Variants in MAPKAPK5 observed in about 807,000 individuals in gnomAD.
The protein encoded by MAPKAPK5 is MAP kinase-activated protein kinase 5.
In MAPKAPK5, 30 loss-of-function variants were observed where a neutral mutation model predicts 65.1. The ratio of observed to expected loss-of-function variants is 0.46; its 90% confidence interval spans 0.34 to 0.63. MAPKAPK5 has a LOEUF of 0.63. MAPKAPK5 is among the 20% of genes least tolerant of loss of function. The probability of loss-of-function intolerance (pLI) is 0.01; values close to 1 mark genes in which losing one functional copy is unlikely to be tolerated. For synonymous variants in MAPKAPK5, 179 were observed against 204.6 expected (o/e 0.87, Z 1.07); for missense variants, 433 against 581.4 (o/e 0.74, Z 2.63).
chr12:111,878,715 C>A (rs756879523), intron 7 of MAPKAPK5, among the ~76,000 whole-genome samples: 1 of 152,048 alleles, frequency 6.6e-6, no homozygotes. Flanking sequence ...CACCATGCCC[C>A]GCCTTAATTT....
chr12:111,858,399 A>T (rs1340046520), intron 1 of MAPKAPK5, among the ~76,000 whole-genome samples: 1 of 151,906 alleles, frequency 6.6e-6, no homozygotes, highest in Non-Finnish European at 1.5e-5. Context: ...CATTACACAT[A>T]TGTTGGAACG....
Position 111,899,705 on chromosome 12 carries a change from A to C in MAPKAPK5, c.*6644A>C, listed in dbSNP as rs958895496. On this transcript the variant is annotated 3_prime_UTR_variant, in exon 14 of 14. Coordinates refer to ENST00000550735, the MANE Select transcript of MAPKAPK5 (RefSeq NM_003668.4). ...TCATCTCACATGACTGCCACTATGA[A>C]GGCTACATAGAAGGAGTGTCAGGTT... The C allele has an allele frequency of 9.6e-6, 3 of 311,776 alleles. No homozygotes were observed. The highest frequency in any genetic ancestry group is 8.2e-5 in the South Asian group (3 of 36,792). 19.3% of individuals were successfully genotyped at this position (311,776 alleles called of 1,614,324 possible).
chr12:111,862,561 TGTG>T (rs2069475686), intron 1 of MAPKAPK5, among the ~76,000 whole-genome samples: 1 of 151,864 alleles, frequency 6.6e-6, no homozygotes, highest in Non-Finnish European at 1.5e-5. Flanking sequence ...ATTAGTTGGG[TGTG>T]GTGGTGCGCA....
intron 1 of MAPKAPK5, among the ~76,000 whole-genome samples, chr12:111,859,036 A>G (rs1404956163): frequency 6.8e-6 from 1 of 146,554 alleles, no homozygotes; most frequent in Non-Finnish European, 1.5e-5. Flanking sequence ...TACTTGCTCA[A>G]TCTAGTATCT....
Position 111,893,675 on chromosome 12 carries a change from G to A in MAPKAPK5, c.*614G>A, listed in dbSNP as rs1329944134. ...ATATCTGTTAAAAGGGTACTGGTGT[G>A]TTTCTTAAATCTAACAGGGTTTTCT... is the stretch of plus-strand genomic sequence containing the variant. On this transcript the variant is annotated 3_prime_UTR_variant, in exon 14 of 14. Transcript: ENST00000550735. The A allele has an allele frequency of 6.9e-6, 1 of 144,886 alleles. No individual in the cohort carries two copies. Among genetic ancestry groups the A allele is most frequent in the East Asian group, 2.0e-4 (1 of 4,986 alleles). 9.0% of individuals were successfully genotyped at this position (144,886 alleles called of 1,614,324 possible).
intron 2 of MAPKAPK5, among the ~76,000 whole-genome samples, chr12:111,865,834 CAAAAAAAAA>C (rs1157723498): frequency 1.7e-5 from 1 of 57,420 alleles, no homozygotes; most frequent in African/African-American, 6.3e-5. Flanking sequence ...GATTCTGTCT[CAAAAAAAAA>C]AAAAAAAAAA....
chr12:111,873,432 C>T (rs1300608253), intron 7 of MAPKAPK5, among the ~76,000 whole-genome samples: 6 of 152,128 alleles, frequency 3.9e-5, no homozygotes, highest in African/African-American at 7.2e-5. Flanking sequence ...CAACCTCTGC[C>T]TCCCGGGTTC....
At chr12:111,872,380 C>T (rs1470547632) in intron 7 of MAPKAPK5, among the ~76,000 whole-genome samples, 2 of 152,130 alleles carry the variant, frequency 1.3e-5, no homozygotes. Context: ...TATTTTGGAG[C>T]ACTTTTTGTA....
In MAPKAPK5 at chr12:111,883,504, T is replaced by G. The variant is rs945281961; in HGVS notation, c.661-77T>G. On this transcript the variant is annotated intron_variant, in intron 8 of 13. Transcript: ENST00000550735. The surrounding 1 kb of genome is among the most constrained non-coding windows in gnomAD (Gnocchi z 4.8). ...ATCAGCCTATATATTGCAGGGGCTATTCCTGAGCCTGTCATGGGGTGTTTA... is the reference window on the plus strand; with the variant it reads ...ATCAGCCTATATATTGCAGGGGCTAGTCCTGAGCCTGTCATGGGGTGTTTA... 22 of 1,285,684 alleles carry G rather than the reference T, an allele frequency of 1.7e-5. No homozygotes were observed. Among genetic ancestry groups the G allele is most frequent in the Middle Eastern group, 5.0e-4 (2 of 3,978 alleles). 79.6% of individuals were successfully genotyped at this position (1,285,684 alleles called of 1,614,324 possible). A position where few individuals can be genotyped will look rare whatever the true frequency, so the allele number is the denominator to read the frequency against.
chr12:111,853,104 G>A (rs1294670802), intron 1 of MAPKAPK5, among the ~76,000 whole-genome samples: 2 of 151,990 alleles, frequency 1.3e-5, no homozygotes, highest in African/African-American at 2.4e-5. Flanking sequence ...TCTTCTTCAC[G>A]CCTGTAATCC....
chr12:111,871,670 C>T (rs891339600), intron 7 of MAPKAPK5, among the ~76,000 whole-genome samples: 1 of 152,078 alleles, frequency 6.6e-6, no homozygotes, highest in Non-Finnish European at 1.5e-5. Context: ...ATAAAATAAA[C>T]TTTATTGAGG....
chr12:111,853,974 C>G (rs2069162851), intron 1 of MAPKAPK5, among the ~76,000 whole-genome samples: 1 of 152,116 alleles, frequency 6.6e-6, no homozygotes, highest in Non-Finnish European at 1.5e-5. Flanking sequence ...GATATTAAGC[C>G]AATCTTGCAT....
At chr12:111,869,166 C>T (rs2069701414) in intron 5 of MAPKAPK5, among the ~76,000 whole-genome samples, 1 of 152,128 alleles carries the variant, frequency 6.6e-6, no homozygotes, top group Non-Finnish European at 1.5e-5. Flanking sequence ...AGGCATGTAG[C>T]TACCAAGTAC....
Position 111,900,530 on chromosome 12 carries a change from T to C in MAPKAPK5, c.*7469T>C, listed in dbSNP as rs2071001346. 2.2e-6 allele frequency: 1 copy of C among 456,100 alleles called. No homozygotes were observed. Among genetic ancestry groups the C allele is most frequent in the Non-Finnish European group, 4.4e-6 (1 of 226,806 alleles). The allele number at this position is 456,100 out of a possible 1,614,324, so 28.3% of individuals were successfully genotyped here. On this transcript the variant is annotated 3_prime_UTR_variant, in exon 14 of 14. Transcript: ENST00000550735. The stretch of plus-strand genomic sequence containing the variant: ...GAGAACACAAAGGGGCCTGCCTATT[T>C]AACAAGCCACGGCCCAGGGGCCGCA...
intron 13 of MAPKAPK5, among the ~76,000 whole-genome samples, chr12:111,891,071 G>T (rs1005081077): frequency 1.3e-5 from 2 of 151,856 alleles, no homozygotes; most frequent in Non-Finnish European, 2.9e-5. Context: ...TTGTTTCCGC[G>T]TTTTTTTGTT....
chr12:111,862,890 C>A (rs1237682389), intron 1 of MAPKAPK5, among the ~76,000 whole-genome samples: 2 of 152,140 alleles, frequency 1.3e-5, no homozygotes, highest in South Asian at 2.1e-4. Context: ...TCTGCTTCAA[C>A]TCCCTCCTTC....
Position 111,901,773 on chromosome 12 carries a change from T to G in MAPKAPK5, c.*8712T>G, listed in dbSNP as rs1158468528. 1 of 184,584 alleles carries G rather than the reference T, an allele frequency of 5.4e-6. No individual in the cohort carries two copies. The highest frequency in any genetic ancestry group is 1.1e-5 in the Non-Finnish European group (1 of 87,786). The allele number at this position is 184,584 out of a possible 1,614,324, so 11.4% of individuals were successfully genotyped here. ...AAGTACTGAGTGGGAATGAGATGTT[T>G]GGTGAAGTAGAAATAGATAGCTTTA... On this transcript the variant is annotated 3_prime_UTR_variant, in exon 14 of 14. Coordinates refer to ENST00000550735, the MANE Select transcript of MAPKAPK5 (RefSeq NM_003668.4).
chr12:111,885,697 A>G, intron 9 of MAPKAPK5: 3 of 521,864 alleles, frequency 5.7e-6, no homozygotes, highest in Non-Finnish European at 1.0e-5. Context: ...CTTTTCTACC[A>G]TTTTAATCTC....
chr12:111,882,736 G>A, intron 8 of MAPKAPK5: 2 of 897,888 alleles, frequency 2.2e-6, no homozygotes, highest in Non-Finnish European at 2.7e-6. Context: ...AATGGACCTA[G>A]TGAGTCCTTC....
Sources: allele counts gnomAD v4.1 joint callset (sites outside exome capture counted in the v4.1 genomes callset), GRCh38; gene constraint gnomAD v4.1.1; non-coding constraint Gnocchi (gnomAD v3.1); transcripts MANE v1.5; gene names NCBI Gene and HGNC (gene_info 2026-07-23, HGNC 2026-07-21).